PODXL2: variants seen among roughly 807,000 people sequenced by gnomAD.
PODXL2 encodes podocalyxin-like protein 2.
In PODXL2, 17 loss-of-function variants were observed where a neutral mutation model predicts 53.4. The ratio of observed to expected loss-of-function variants is 0.32; its 90% CI spans 0.22 to 0.48. The LOEUF is 0.48. Ranked by LOEUF, PODXL2 falls within the 20% of genes least tolerant of loss-of-function variation. The pLI, the probability that PODXL2 is intolerant of heterozygous loss-of-function variation, is 0.99. For missense variants in PODXL2, 673 were observed against 760.0 expected (o/e 0.89, Z 1.35); for synonymous variants, 311 against 306.7 (o/e 1.01, Z -0.15).
At position 127,672,532 on chromosome 3, in the gene PODXL2, C is replaced by G. The variant is rs759960627; in HGVS notation, c.*52C>G. 5 of 1,225,812 alleles carry G rather than the reference C, an allele frequency of 4.1e-6. No individual in the cohort carries two copies. Among genetic ancestry groups the G allele is most frequent in the African/African-American group, 3.2e-5 (2 of 62,462 alleles). The allele number at this position is 1,225,812 out of a possible 1,614,324, so 75.9% of individuals were successfully genotyped here. The stretch of plus-strand genomic sequence containing the variant: ...GCCGCCAGGACCAAGCGAGGTGGAC[C>G]CCGAAACGGACGGCCCGGAGCCCGC... On this transcript the variant is annotated 3_prime_UTR_variant, in exon 8 of 8. Transcript: ENST00000342480.
At chr3:127,667,868 G>T (rs1046125456) in intron 4 of PODXL2, among the ~76,000 whole-genome samples, 7 of 152,180 alleles carry the variant, frequency 4.6e-5, no homozygotes, top group African/African-American at 1.7e-4. Flanking sequence ...CAACAGCTTG[G>T]GGCTGCATCT....
intron 4 of PODXL2, chr3:127,665,975 T>C (rs1248757464): frequency 2.2e-6 from 1 of 463,708 alleles, no homozygotes. Context: ...TACTGGGGTG[T>C]CACTGCTTCT....
At chr3:127,665,823 C>T (rs138534257) in intron 4 of PODXL2, 6 of 370,922 alleles carry the variant, frequency 1.6e-5, no homozygotes, top group Middle Eastern at 4.3e-4. Flanking sequence ...ATGCCACACA[C>T]GTGCTTACAA....
intron 7 of PODXL2, 139 bp from the exon 8 acceptor site, chr3:127,672,129 C>T (rs2107548065): frequency 1.6e-6 from 1 of 643,788 alleles, no homozygotes; most frequent in East Asian, 2.8e-5. Flanking sequence ...AGTTGAGCTG[C>T]AGCAACAGAA....
At chr3:127,657,799 T>C (rs2074734295) in intron 2 of PODXL2, among the ~76,000 whole-genome samples, 1 of 152,256 alleles carries the variant, frequency 6.6e-6, no homozygotes, top group Admixed American at 6.5e-5. Flanking sequence ...TTTCATGCAT[T>C]ATATCTTAAT....
In PODXL2 at chr3:127,639,369, T is replaced by G; in HGVS notation, c.195T>G (p.Ser65Arg). The G allele has an allele frequency of 1.2e-6, 2 of 1,614,224 alleles. No homozygotes were observed. Among genetic ancestry groups the G allele is most frequent in the South Asian group, 2.2e-5 (2 of 91,092 alleles). ...GLEPLDSEEP[S>R]ETMGLGAGLG... ...AGCCACTGGACTCAGAGGAGCCTAG[T>G]GAGACCATGGGCCTGGGAGCTGGGC... The change falls in exon 2 of 8, where the codon AGT (serine) becomes AGG (arginine). Residue 65 changes from serine (S) to arginine (R), a missense_variant. Physicochemically the swap from Ser to Arg is moderately radical, Grantham distance 110. Transcript: ENST00000342480.
intron 2 of PODXL2, among the ~76,000 whole-genome samples, chr3:127,647,177 G>A (rs886722525): frequency 6.6e-6 from 1 of 152,124 alleles, no homozygotes; most frequent in African/African-American, 2.4e-5. Flanking sequence ...AGTCTTTGCA[G>A]CTTGAAAATA....
chr3:127,657,119 C>T (rs1458776165), intron 2 of PODXL2, among the ~76,000 whole-genome samples: 2 of 152,162 alleles, frequency 1.3e-5, no homozygotes, highest in Admixed American at 1.3e-4. Flanking sequence ...GTGGCTGAGT[C>T]CCAGATCATG....
At chr3:127,650,570 A>T (rs1410060875) in intron 2 of PODXL2, among the ~76,000 whole-genome samples, 1 of 152,176 alleles carries the variant, frequency 6.6e-6, no homozygotes, top group Non-Finnish European at 1.5e-5. Context: ...AATCTTGTTC[A>T]GTTTTCAATA....
chr3:127,660,748 G>A lies in PODXL2; in HGVS notation c.720G>A (p.Gly240=), dbSNP rs2107542824. The change falls in exon 3 of 8, where the codon GGG becomes GGA. Residue 240 remains glycine (G), a synonymous_variant. Coordinates refer to ENST00000342480, the MANE Select transcript of PODXL2 (RefSeq NM_015720.4). ...GTGTGGAGGTGGAGAGCAGCATGGG[G>A]CCCAGCTTGCTGCTGCCTTCAGTCA... is the stretch of plus-strand genomic sequence containing the variant. ...SSGVEVESSM[G]PSLLLPSVTP... 6.2e-7 allele frequency: 1 copy of A among 1,614,174 alleles called. No homozygotes were observed. Among genetic ancestry groups the A allele is most frequent in the South Asian group, 1.1e-5 (1 of 91,090 alleles).
At chr3:127,647,214 A>G (rs1030338438) in intron 2 of PODXL2, among the ~76,000 whole-genome samples, 5 of 152,174 alleles carry the variant, frequency 3.3e-5, no homozygotes, top group Non-Finnish European at 7.3e-5. Flanking sequence ...TTTCAAGTGA[A>G]AAGAGCAACC....
At chr3:127,634,819 A>C (rs920346632) in intron 1 of PODXL2, among the ~76,000 whole-genome samples, 1 of 152,202 alleles carries the variant, frequency 6.6e-6, no homozygotes, top group Non-Finnish European at 1.5e-5. Context: ...AGTCACACCT[A>C]CTGTGTCAGA....
intron 2 of PODXL2, among the ~76,000 whole-genome samples, chr3:127,640,640 G>T (rs1019360381): frequency 2.0e-5 from 3 of 152,018 alleles, no homozygotes; most frequent in Non-Finnish European, 4.4e-5. Context: ...GGTGGAGGTT[G>T]CAGTGAGCTG....
chr3:127,637,750 G>GTGGCTGGATGTGGCATTAT (rs2074586094), intron 1 of PODXL2, among the ~76,000 whole-genome samples: 1 of 152,154 alleles, frequency 6.6e-6, no homozygotes, highest in Admixed American at 6.5e-5. Flanking sequence ...ATACACCCCT[G>GTGGCTGGATGTGGCATTAT]TGGCTGGATG....
intron 2 of PODXL2, among the ~76,000 whole-genome samples, chr3:127,645,065 C>T (rs1353311376): frequency 1.3e-5 from 2 of 152,256 alleles, no homozygotes; most frequent in Non-Finnish European, 2.9e-5. Context: ...AACCCCAAAG[C>T]CCACAGGTTA....
chr3:127,650,308 T>G (rs2074680388), intron 2 of PODXL2, among the ~76,000 whole-genome samples: 1 of 152,070 alleles, frequency 6.6e-6, no homozygotes. Flanking sequence ...TGATGAAATA[T>G]AGGAGGGAAA....
Position 127,672,715 on chromosome 3 carries a change from C to A in PODXL2, c.*235C>A, listed in dbSNP as rs1025429561. Reference sequence around the variant, plus strand: ...CCGCCTTGGCCCCGCTTTCCCGCCCCTGAACCCCGGCCCCGCGGGCGGCGG... The same window carrying A: ...CCGCCTTGGCCCCGCTTTCCCGCCCATGAACCCCGGCCCCGCGGGCGGCGG... On this transcript the variant is annotated 3_prime_UTR_variant, in exon 8 of 8. Coordinates refer to ENST00000342480, the MANE Select transcript of PODXL2 (RefSeq NM_015720.4). 25 of 428,982 alleles carry A rather than the reference C, an allele frequency of 5.8e-5. No individual in the cohort carries two copies. Among genetic ancestry groups the A allele is most frequent in the Non-Finnish European group, 9.7e-5 (24 of 247,730 alleles). The allele number at this position is 428,982 out of a possible 1,614,324, so 26.6% of individuals were successfully genotyped here.
rs1409892188 is a variant in PODXL2 at position 127,629,339 on chromosome 3, G to A, written c.70+50G>A. 1 of 1,006,636 alleles carries A rather than the reference G, an allele frequency of 9.9e-7. No homozygotes were observed. The highest frequency in any genetic ancestry group is 1.2e-6 in the Non-Finnish European group (1 of 844,574). 62.4% of individuals were successfully genotyped at this position (1,006,636 alleles called of 1,614,324 possible). On this transcript the variant is annotated intron_variant, in intron 1 of 7. Coordinates refer to ENST00000342480, the MANE Select transcript of PODXL2 (RefSeq NM_015720.4). The surrounding 1 kb of genome is among the most constrained non-coding windows in gnomAD (Gnocchi z 6.4). The stretch of plus-strand genomic sequence containing the variant: ...CGGGAGGGCGGGCGGCGGCGTGGGC[G>A]CGGTGCTGGACAGCTCCCCGGGCCG...
chr3:127,660,800 C>G lies in PODXL2; in HGVS notation c.772C>G (p.Gln258Glu). 6.2e-7 allele frequency: 1 copy of G among 1,614,210 alleles called. No individual in the cohort carries two copies. The highest frequency in any genetic ancestry group is 8.5e-7 in the Non-Finnish European group (1 of 1,180,032). Residue 258 changes from glutamine (Q) to glutamate (E), a missense_variant, in exon 3 of 8, where the codon CAG (glutamine) becomes GAG (glutamate). Coordinates refer to ENST00000342480, the MANE Select transcript of PODXL2 (RefSeq NM_015720.4). ...CCCAACTACAGTGACTCCGGGGGAC[C>G]AGGACTCCACCAGCCAAGAGGCAGA... ...VTPTTVTPGD[Q>E]DSTSQEAEAT...
Sources: gnomAD v4.1 joint callset for allele counts (sites outside exome capture counted in the v4.1 genomes callset) on GRCh38, gnomAD v4.1.1 for gene constraint, Gnocchi (gnomAD v3.1) non-coding constraint, MANE v1.5 for transcripts, NCBI Gene and HGNC (gene_info 2026-07-23, HGNC 2026-07-21) for gene names.